Variants in DKK2 observed in about 807,000 individuals in gnomAD.
DKK2 encodes dickkopf-related protein 2.
In DKK2, 11 loss-of-function variants were observed where a neutral mutation model predicts 28.1. The observed-to-expected ratio is 0.39, with a 90% CI of 0.25 to 0.65. DKK2 has a LOEUF of 0.65. DKK2 is among the 30% of genes least tolerant of loss of function. The pLI is 0.47. For missense variants in DKK2, 326 were observed against 335.5 expected, an observed-to-expected ratio of 0.97 and a Z score of 0.22; for synonymous variants, 135 against 126.5, an observed-to-expected ratio of 1.07 and a Z score of -0.45.
At chr4:106,962,951 T>A (rs985392940) in intron 1 of DKK2, among the ~76,000 whole-genome samples, 2 of 152,030 alleles carry the variant, frequency 1.3e-5, no homozygotes, top group African/African-American at 4.8e-5. Flanking sequence ...AAGAGGCTAC[T>A]CAGGAGGCTG....
intron 1 of DKK2, among the ~76,000 whole-genome samples, chr4:106,929,468 T>C (rs973008273): frequency 1.3e-5 from 2 of 152,182 alleles, no homozygotes; most frequent in Non-Finnish European, 2.9e-5. Context: ...GCAGAATCAT[T>C]CATTATTGCA....
intron 1 of DKK2, among the ~76,000 whole-genome samples, chr4:106,967,767 T>G: frequency 7.4e-6 from 1 of 135,888 alleles, no homozygotes; most frequent in Non-Finnish European, 1.6e-5. Context: ...GAAAGGGAAT[T>G]AGGAAAGGAA....
At chr4:107,009,626 A>C (rs1472671576) in intron 1 of DKK2, among the ~76,000 whole-genome samples, 1 of 151,810 alleles carries the variant, frequency 6.6e-6, no homozygotes, top group Non-Finnish European at 1.5e-5. Flanking sequence ...GAAAAATGAA[A>C]TTTTATTTCA....
chr4:106,984,809 A>G (rs1392311170), intron 1 of DKK2, among the ~76,000 whole-genome samples: 1 of 152,226 alleles, frequency 6.6e-6, no homozygotes, highest in African/African-American at 2.4e-5. Context: ...GTCTGGAATA[A>G]GCATACTATG....
chr4:106,965,596 AT>A (rs528646400), intron 1 of DKK2, among the ~76,000 whole-genome samples: 45 of 150,516 alleles, frequency 3.0e-4, no homozygotes, highest in South Asian at 1.1e-3. Flanking sequence ...GTAATTTAAG[AT>A]TTTTTTTTTA....
At chr4:106,943,869 T>G (rs1390222359) in intron 1 of DKK2, among the ~76,000 whole-genome samples, 1 of 152,096 alleles carries the variant, frequency 6.6e-6, no homozygotes. Context: ...TGGAAATTCT[T>G]CAAGCCTATG....
intron 1 of DKK2, among the ~76,000 whole-genome samples, chr4:107,021,410 C>G (rs1320443747): frequency 2.0e-5 from 3 of 151,992 alleles, no homozygotes; most frequent in African/African-American, 4.8e-5. Flanking sequence ...GGAATGAGTT[C>G]TCTGTGGTGA....
At chr4:106,972,214 C>A (rs1722878320) in intron 1 of DKK2, among the ~76,000 whole-genome samples, 1 of 151,932 alleles carries the variant, frequency 6.6e-6, no homozygotes, top group Non-Finnish European at 1.5e-5. Flanking sequence ...CACTTCTCCT[C>A]CCCACCCACA....
At chr4:106,980,775 T>C (rs1182136931) in intron 1 of DKK2, among the ~76,000 whole-genome samples, 1 of 152,166 alleles carries the variant, frequency 6.6e-6, no homozygotes, top group Non-Finnish European at 1.5e-5. Flanking sequence ...TTTTCAATAA[T>C]GTTACCAATA....
intron 1 of DKK2, among the ~76,000 whole-genome samples, chr4:106,992,467 T>C (rs1723218501): frequency 6.6e-6 from 1 of 152,320 alleles, no homozygotes; most frequent in African/African-American, 2.4e-5. Flanking sequence ...CAGGCTGTTA[T>C]TGAAGGTCTG....
At chr4:107,017,211 G>A (rs533707150) in intron 1 of DKK2, among the ~76,000 whole-genome samples, 69 of 152,022 alleles carry the variant, frequency 4.5e-4, no homozygotes, top group African/African-American at 1.6e-3. Context: ...GTAGAACAAA[G>A]CTTCCTCTCT....
chr4:106,923,939 G>A lies in DKK2; in HGVS notation c.*15C>T, dbSNP rs1724385317. On this transcript the variant is annotated 3_prime_UTR_variant, in exon 4 of 4. Coordinates refer to ENST00000285311, the MANE Select transcript of DKK2 (RefSeq NM_014421.3). The stretch of plus-strand genomic sequence containing the variant: ...AACTTCACAGTCTGCAATTGATGAT[G>A]TTCCTCAATGGTGATCAAATTTTCT... The A allele has an allele frequency of 1.9e-6, 3 of 1,609,330 alleles. No individual in the cohort carries two copies. Among genetic ancestry groups the A allele is most frequent in the Non-Finnish European group, 2.6e-6 (3 of 1,175,950 alleles).
At chr4:106,951,532 A>G (rs1724859748) in intron 1 of DKK2, among the ~76,000 whole-genome samples, 1 of 152,164 alleles carries the variant, frequency 6.6e-6, no homozygotes, top group Admixed American at 6.6e-5. Flanking sequence ...TGTCATTTGC[A>G]GTGGAACTGG....
intron 1 of DKK2, among the ~76,000 whole-genome samples, chr4:106,952,370 C>A (rs1309600644): frequency 1.3e-5 from 2 of 152,000 alleles, no homozygotes; most frequent in Non-Finnish European, 2.9e-5. Context: ...TAGAAAAGAA[C>A]CTATTTTTAT....
intron 1 of DKK2, among the ~76,000 whole-genome samples, chr4:106,999,006 T>G (rs1723318368): frequency 6.6e-6 from 1 of 152,224 alleles, no homozygotes; most frequent in Non-Finnish European, 1.5e-5. Flanking sequence ...CTCTTTAGAA[T>G]TATCCCTGTT....
intron 1 of DKK2, among the ~76,000 whole-genome samples, chr4:106,966,357 A>C (rs1426671047): frequency 2.0e-5 from 3 of 152,210 alleles, no homozygotes; most frequent in African/African-American, 7.2e-5. Context: ...TCAAGTTTAC[A>C]GACAAGTGTG....
chr4:106,986,333 T>C (rs930706056), intron 1 of DKK2, among the ~76,000 whole-genome samples: 2 of 152,194 alleles, frequency 1.3e-5, no homozygotes, highest in African/African-American at 4.8e-5. Flanking sequence ...GAGAATAACT[T>C]TGAGTCTTAA....
chr4:107,019,110 AAC>A (rs1228902158), intron 1 of DKK2, among the ~76,000 whole-genome samples: 1 of 152,028 alleles, frequency 6.6e-6, no homozygotes, highest in Non-Finnish European at 1.5e-5. Flanking sequence ...GAACTTCAAC[AAC>A]GTTTCCAGAG....
chr4:106,972,679 G>C (rs1722885315), intron 1 of DKK2, among the ~76,000 whole-genome samples: 1 of 152,044 alleles, frequency 6.6e-6, no homozygotes, highest in Non-Finnish European at 1.5e-5. Context: ...ACAGTGTCTA[G>C]CTTTAGGCCA....
Sources: allele counts gnomAD v4.1 joint callset (sites outside exome capture counted in the v4.1 genomes callset), GRCh38; gene constraint gnomAD v4.1.1; transcripts MANE v1.5; gene names NCBI Gene and HGNC (gene_info 2026-07-23, HGNC 2026-07-21).